The following GLB1L3 variants were observed in gnomAD, a reference collection of about 807,000 sequenced individuals.
The protein encoded by GLB1L3 is galactosidase beta 1 like 3.
A neutral mutation model predicts 89.5 loss-of-function variants in GLB1L3; 89 were observed. The ratio of observed to expected loss-of-function variants is 0.99; its 90% CI spans 0.84 to 1.19. GLB1L3 has a LOEUF of 1.19. Ranked by LOEUF, GLB1L3 falls within the 50% of genes most tolerant of loss-of-function variation. GLB1L3 has a pLI of 0.00. For synonymous variants in GLB1L3, 314 were observed against 312.3 expected (o/e 1.01, Z -0.06); for missense variants, 812 against 813.3 (o/e 1.00, Z 0.02).
chr11:134,318,566 G>A, intron 18 of GLB1L3, 65 bp from the exon 19 acceptor site: 3 of 937,932 alleles, frequency 3.2e-6, no homozygotes, highest in South Asian at 2.8e-5. Flanking sequence ...CACTCTCCAA[G>A]TGCCTTAGGT....
At chr11:134,310,988 G>A in intron 12 of GLB1L3, 76 bp from the exon 13 acceptor site, 1 of 989,580 alleles carries the variant, frequency 1.0e-6, no homozygotes, top group South Asian at 1.4e-5. Flanking sequence ...AAGCCATGCT[G>A]GATAGGCATG....
At chr11:134,297,262 C>T (rs1941700176) in intron 9 of GLB1L3, among the ~76,000 whole-genome samples, 1 of 152,130 alleles carries the variant, frequency 6.6e-6, no homozygotes, top group South Asian at 2.1e-4. Flanking sequence ...TATACCTTAA[C>T]ATCTGTATTT....
chr11:134,282,306 G>T (rs1465861242), intron 5 of GLB1L3, among the ~76,000 whole-genome samples, 186 bp downstream of exon 5: 1 of 152,182 alleles, frequency 6.6e-6, no homozygotes, highest in Non-Finnish European at 1.5e-5. Context: ...GGTGGCGGGG[G>T]GCGGGGTGCA....
In GLB1L3 at chr11:134,308,428, T is replaced by C. The variant is rs1418393341; in HGVS notation, c.962-1198T>C. 1.3e-3 allele frequency among the ~76,000 whole-genome samples: 50 copies of C among 38,208 alleles called. 1 individual carries two copies. The highest frequency in any genetic ancestry group is 2.8e-3 in the South Asian group (3 of 1,078). 25.1% of individuals were successfully genotyped at this position (38,208 alleles called of 152,430 possible). On this transcript the variant is annotated intron_variant, in intron 10 of 19. Coordinates refer to ENST00000431683, the MANE Select transcript of GLB1L3 (RefSeq NM_001080407.3). ...ATCACCACCACCACCATCATCACCA[T>C]CACCACCACCACCACCATCACCACC...
chr11:134,307,006 G>C (rs1213666192), intron 9 of GLB1L3, 118 bp from the exon 10 acceptor site: 1 of 681,936 alleles, frequency 1.5e-6, no homozygotes, highest in Non-Finnish European at 2.5e-6. Flanking sequence ...GGAAAGCTCT[G>C]AATTGGGAAA....
chr11:134,301,199 G>A (rs1452067480), intron 9 of GLB1L3, among the ~76,000 whole-genome samples: 1 of 152,138 alleles, frequency 6.6e-6, no homozygotes, highest in African/African-American at 2.4e-5. Context: ...TGGATTTTAG[G>A]TATTTGGTTG....
In GLB1L3 at chr11:134,276,606, C is replaced by T; in HGVS notation, c.-135C>T. On this transcript the variant is annotated 5_prime_UTR_variant, in exon 1 of 20. Transcript: ENST00000431683. ...CGCGCCTCGGGACGGATTTCTGCCT[C>T]GGCTGCAGGCGCAGCGCGCAGACCT... The T allele has an allele frequency of 1.1e-5, 9 of 800,102 alleles. No individual in the cohort carries two copies. Among genetic ancestry groups the T allele is most frequent in the Non-Finnish European group, 5.1e-6 (3 of 592,524 alleles). 49.6% of individuals were successfully genotyped at this position (800,102 alleles called of 1,614,324 possible). A position where few individuals can be genotyped will look rare whatever the true frequency, so the allele number is the denominator to read the frequency against.
chr11:134,283,195 T>TG (rs1340575768), intron 5 of GLB1L3, among the ~76,000 whole-genome samples: 2 of 152,120 alleles, frequency 1.3e-5, no homozygotes, highest in African/African-American at 4.8e-5. Context: ...CCTGAGTAGC[T>TG]GGGATTACAG....
At chr11:134,287,430 ATTG>A (rs1941079935) in intron 6 of GLB1L3, 1 of 152,176 alleles carries the variant, frequency 6.6e-6, no homozygotes, top group Non-Finnish European at 1.5e-5. Context: ...GGTTGTCATT[ATTG>A]TTTTAATTAT....
chr11:134,307,253 G>C, intron 10 of GLB1L3, 45 bp downstream of exon 10: 1 of 1,385,900 alleles, frequency 7.2e-7, no homozygotes, highest in South Asian at 1.2e-5. Context: ...ATGGCCCCAG[G>C]TCCCATGAGA....
chr11:134,319,718 C>A (rs200108363), downstream of GLB1L3, among the ~76,000 whole-genome samples: 39 of 124,670 alleles, frequency 3.1e-4, 2 homozygotes, highest in African/African-American at 1.1e-3. Context: ...CTCTCTCTCT[C>A]TGTGTATGTG....
chr11:134,314,555 C>T (rs1942898129), intron 18 of GLB1L3, 114 bp downstream of exon 18: 2 of 716,954 alleles, frequency 2.8e-6, no homozygotes, highest in Non-Finnish European at 2.5e-6. Flanking sequence ...TTTTCCTCTT[C>T]TTCCTCATCT....
At chr11:134,276,811 T>C in intron 1 of GLB1L3, 48 bp downstream of exon 1, 3 of 1,349,388 alleles carry the variant, frequency 2.2e-6, no homozygotes, top group Non-Finnish European at 2.9e-6. Flanking sequence ...CCCCGGCGCG[T>C]GCCCGGGAGC....
In GLB1L3 at chr11:134,294,066, C is replaced by T. The variant is rs11223749; in HGVS notation, c.876+857C>T. On this transcript the variant is annotated intron_variant, in intron 9 of 19. Transcript: ENST00000431683. ...CATGAAACTTACTTCTTTTTTTCAT[C>T]AATTTCTTTTTTTTTTTGAGACAGA... Among the ~76,000 whole-genome samples the T allele has an allele frequency of 3.5e-3, 536 of 152,004 alleles. 20 individuals carry two copies. The East Asian group carries it at 0.088, about 25-fold the overall frequency.
chr11:134,310,073 C>T (rs1325534722), intron 11 of GLB1L3: 14 of 442,836 alleles, frequency 3.2e-5, no homozygotes, highest in East Asian at 8.1e-5. Flanking sequence ...CAGACCTGCA[C>T]GGCCGGGCGA....
At chr11:134,281,312 A>G (rs1940671402) in intron 3 of GLB1L3, 65 bp from the exon 4 acceptor site, 1 of 1,593,666 alleles carries the variant, frequency 6.3e-7, no homozygotes, top group South Asian at 1.1e-5. Flanking sequence ...GATTTGGGGC[A>G]GACCTAACAA....
At chr11:134,277,565 C>A in intron 2 of GLB1L3, 114 bp downstream of exon 2, 2 of 1,521,306 alleles carry the variant, frequency 1.3e-6, no homozygotes, top group East Asian at 2.3e-5. Context: ...GCACAGAACA[C>A]GTCCTACTAA....
At chr11:134,290,061 C>G (rs1591546822) in intron 7 of GLB1L3, among the ~76,000 whole-genome samples, 1 of 152,218 alleles carries the variant, frequency 6.6e-6, no homozygotes, top group Admixed American at 6.5e-5. Flanking sequence ...CATCCACGTG[C>G]TGGCTCCCGC....
chr11:134,293,871 C>G (rs1252300041), intron 9 of GLB1L3, among the ~76,000 whole-genome samples: 4 of 152,026 alleles, frequency 2.6e-5, no homozygotes, highest in Non-Finnish European at 5.9e-5. Flanking sequence ...ATGCAGCCCC[C>G]ACGCCTTGGC....
Sources: allele counts gnomAD v4.1 joint callset (sites outside exome capture counted in the v4.1 genomes callset), GRCh38; gene constraint gnomAD v4.1.1; transcripts MANE v1.5; gene names NCBI Gene and HGNC (gene_info 2026-07-23, HGNC 2026-07-21).